Variants in CTNNA3 observed in about 807,000 individuals in gnomAD.
The protein encoded by CTNNA3 is catenin alpha-3.
A neutral mutation model predicts 95.7 loss-of-function variants in CTNNA3; 76 were observed. The ratio of observed to expected loss-of-function variants is 0.79; its 90% CI spans 0.66 to 0.96. The LOEUF (loss-of-function observed/expected upper bound fraction) is 0.96, where lower values mean the gene tolerates loss of function less well. Ranked by LOEUF, CTNNA3 falls within the 40% of genes least tolerant of loss-of-function variation. The pLI is 0.00. For missense variants in CTNNA3, 1,191 were observed against 1,089.8 expected, an observed-to-expected ratio of 1.09 and a Z score of -1.31; for synonymous variants, 431 against 374.4, an observed-to-expected ratio of 1.15 and a Z score of -1.74.
chr10:66,786,007 T>C (rs570789844), intron 7 of CTNNA3, among the ~76,000 whole-genome samples: 29 of 152,190 alleles, frequency 1.9e-4, no homozygotes, highest in Middle Eastern at 3.4e-3. Context: ...CCATTCCAGG[T>C]AGTTGCTGTA....
At chr10:65,976,610 T>C (rs1027327549) in intron 16 of CTNNA3, among the ~76,000 whole-genome samples, 2 of 152,146 alleles carry the variant, frequency 1.3e-5, no homozygotes, top group Non-Finnish European at 2.9e-5. Flanking sequence ...AACAAAATAC[T>C]ATGTGGTAAA....
chr10:67,742,175 C>T (rs558929432), intron 1 of CTNNA3, among the ~76,000 whole-genome samples: 1 of 150,844 alleles, frequency 6.6e-6, no homozygotes, highest in East Asian at 1.9e-4. Flanking sequence ...CACAACTTTC[C>T]ACCCCAAATC....
intron 12 of CTNNA3, among the ~76,000 whole-genome samples, chr10:66,309,328 A>C (rs993427176): frequency 6.6e-6 from 1 of 152,308 alleles, no homozygotes; most frequent in Non-Finnish European, 1.5e-5. Context: ...ACACACACAG[A>C]CATACACACA....
At chr10:66,001,533 T>C (rs1181413696) in intron 15 of CTNNA3, among the ~76,000 whole-genome samples, 3 of 152,184 alleles carry the variant, frequency 2.0e-5, no homozygotes, top group Admixed American at 2.0e-4. Context: ...AGCCATGTAG[T>C]CTTCACTAGT....
intron 9 of CTNNA3, among the ~76,000 whole-genome samples, chr10:66,714,693 C>T (rs1400095570): frequency 3.9e-5 from 6 of 152,100 alleles, no homozygotes; most frequent in African/African-American, 1.4e-4. Context: ...TGGGTTCCAC[C>T]CCAGAACTAC....
intron 7 of CTNNA3, among the ~76,000 whole-genome samples, chr10:66,973,681 T>G (rs1849857504): frequency 6.6e-6 from 1 of 152,210 alleles, no homozygotes; most frequent in African/African-American, 2.4e-5. Context: ...TGGAGTACAG[T>G]GGTGCGATCT....
Position 67,352,779 on chromosome 10 carries a change from C to T in CTNNA3, c.580-132909G>A, listed in dbSNP as rs78127235. On this transcript the variant is annotated intron_variant, in intron 5 of 17. Transcript: ENST00000433211. ...CTATCTCCTGTGTCTTCAAGCCCTTCCCTGAAACTACTAGCCCTAACAGAG... is the reference window on the plus strand; with the variant it reads ...CTATCTCCTGTGTCTTCAAGCCCTTTCCTGAAACTACTAGCCCTAACAGAG... 1.1e-3 allele frequency among the ~76,000 whole-genome samples: 168 copies of T among 152,074 alleles called. 1 individual carries two copies. Among genetic ancestry groups the T allele is most frequent in the Admixed American group, 8.8e-3 (134 of 15,230 alleles).
intron 7 of CTNNA3, among the ~76,000 whole-genome samples, chr10:66,796,838 A>G (rs1841212431): frequency 6.6e-6 from 1 of 152,100 alleles, no homozygotes; most frequent in Non-Finnish European, 1.5e-5. Flanking sequence ...TAAGCCATGT[A>G]ACAAACTAAA....
chr10:66,007,766 C>T (rs2078923645), intron 15 of CTNNA3, among the ~76,000 whole-genome samples: 1 of 124,980 alleles, frequency 8.0e-6, no homozygotes, highest in South Asian at 3.0e-4. Context: ...CCCTCCCTCC[C>T]TCTCTTCCTT....
At chr10:67,666,286 TA>T (rs1305473050) in intron 1 of CTNNA3, among the ~76,000 whole-genome samples, 1 of 152,178 alleles carries the variant, frequency 6.6e-6, no homozygotes, top group Non-Finnish European at 1.5e-5. Flanking sequence ...GAAGGTAATT[TA>T]AATATCTTGA....
chr10:65,940,396 C>T lies in CTNNA3; in HGVS notation c.2401-19779G>A, dbSNP rs546895266. ...TGTTCTGCTCTCACACTTACTCCAA[C>T]ATAACAGAAAACAGGAAAAACATAT... On this transcript the variant is annotated intron_variant, in intron 17 of 17. Transcript: ENST00000433211. 7.9e-4 allele frequency among the ~76,000 whole-genome samples: 120 copies of T among 152,286 alleles called. 1 individual carries two copies. The highest frequency in any genetic ancestry group is 2.8e-3 in the African/African-American group (115 of 41,574).
rs555879208 is a variant in CTNNA3 at position 66,816,619 on chromosome 10, C to G, written c.1048-41095G>C. Among the ~76,000 whole-genome samples the G allele has an allele frequency of 6.6e-5, 10 of 152,072 alleles. No individual in the cohort carries two copies. In the South Asian group the frequency reaches 8.3e-4, roughly 13 times the overall value. On this transcript the variant is annotated intron_variant, in intron 7 of 17. Transcript: ENST00000433211. ...TCATGTCTAATAAATAATAGAACAA[C>G]TAAACAGAAGAGAAACAAGGAAATA...
chr10:66,389,953 A>G (rs572892823), intron 11 of CTNNA3, among the ~76,000 whole-genome samples: 2 of 152,078 alleles, frequency 1.3e-5, no homozygotes, highest in South Asian at 4.1e-4. Context: ...TCAGGCTGAT[A>G]TCGACCTCCT....
intron 5 of CTNNA3, among the ~76,000 whole-genome samples, chr10:67,359,528 A>C (rs1032921880): frequency 1.3e-5 from 2 of 152,206 alleles, no homozygotes; most frequent in African/African-American, 2.4e-5. Context: ...AGTCATTTTA[A>C]GAAAGAACCA....
intron 10 of CTNNA3, among the ~76,000 whole-genome samples, chr10:66,579,527 G>C (rs926558275): frequency 1.3e-5 from 2 of 151,716 alleles, no homozygotes; most frequent in African/African-American, 4.8e-5. Context: ...TACAGACTTA[G>C]AGGTATTGTT....
intron 6 of CTNNA3, among the ~76,000 whole-genome samples, chr10:67,216,758 A>G (rs1012448157): frequency 6.6e-6 from 1 of 152,226 alleles, no homozygotes; most frequent in African/African-American, 2.4e-5. Flanking sequence ...GTGTACCACA[A>G]TGACAACAGC....
At chr10:66,109,885 A>G (rs990745505) in intron 13 of CTNNA3, among the ~76,000 whole-genome samples, 2 of 151,878 alleles carry the variant, frequency 1.3e-5, no homozygotes, top group Admixed American at 6.6e-5. Context: ...AAAACTACAA[A>G]CTTGCTTGCA....
At chr10:66,289,449 C>T (rs898744333) in intron 12 of CTNNA3, among the ~76,000 whole-genome samples, 10 of 151,562 alleles carry the variant, frequency 6.6e-5, no homozygotes, top group East Asian at 5.8e-4. Flanking sequence ...ATATTAACTT[C>T]GGGGAGCCCA....
chr10:66,273,821 C>A (rs1001492505), intron 13 of CTNNA3, among the ~76,000 whole-genome samples: 3 of 151,414 alleles, frequency 2.0e-5, no homozygotes, highest in Non-Finnish European at 4.4e-5. Context: ...AAAAAGAGTA[C>A]CTGGATGAAT....
Sources: allele counts gnomAD v4.1 joint callset (sites outside exome capture counted in the v4.1 genomes callset), GRCh38; gene constraint gnomAD v4.1.1; transcripts MANE v1.5; gene names NCBI Gene and HGNC (gene_info 2026-07-23, HGNC 2026-07-21).